QSER1: variants seen among roughly 807,000 people sequenced by gnomAD.
The protein encoded by QSER1 is glutamine and serine-rich protein 1.
In QSER1, 49 loss-of-function variants were observed where a neutral mutation model predicts 158.5. The ratio of observed to expected loss-of-function variants is 0.31; its 90% CI spans 0.25 to 0.39. The LOEUF is 0.39. QSER1 is among the 10% of genes least tolerant of loss of function. QSER1 has a pLI of 1.00. For synonymous variants in QSER1, 650 were observed against 715.5 expected (o/e 0.91, Z 1.46); for missense variants, 1,754 against 2,010.3 (o/e 0.87, Z 2.44).
intron 9 of QSER1, 70 bp downstream of exon 9, chr11:32,966,507 G>A: frequency 7.2e-7 from 1 of 1,393,100 alleles, no homozygotes; most frequent in Non-Finnish European, 9.9e-7. Context: ...TTGTCTGTTA[G>A]TTATATGTTT....
At chr11:32,965,944 A>AACACACACACACACACACAC (rs5790910) in intron 8 of QSER1, among the ~76,000 whole-genome samples, 1,238 of 123,602 alleles carry the variant, frequency 0.01, 43 homozygotes, top group East Asian at 0.019. Context: ...TCTGTCTCAA[A>AACACACACACACACACACAC]ACACACACAC....
chr11:32,909,121 C>T (rs372136090), intron 1 of QSER1, among the ~76,000 whole-genome samples: 73 of 152,300 alleles, frequency 4.8e-4, no homozygotes, highest in African/African-American at 1.6e-3. Context: ...GATCGCGCCA[C>T]TGCACTCCAG....
In QSER1 at chr11:32,893,464, G is replaced by C. The variant is rs563614391; in HGVS notation, c.209+130G>C. 1 of 152,482 alleles carries C rather than the reference G, an allele frequency of 6.6e-6. No individual in the cohort carries two copies. The highest frequency in any genetic ancestry group is 6.5e-5 in the Admixed American group (1 of 15,308). The allele number at this position is 152,482 out of a possible 1,614,324, so 9.4% of individuals were successfully genotyped here. A position where few individuals can be genotyped will look rare whatever the true frequency, so the allele number is the denominator to read the frequency against. On this transcript the variant is annotated intron_variant, in intron 1 of 12. Transcript: ENST00000650167. The surrounding 1 kb of genome is among the most constrained non-coding windows in gnomAD (Gnocchi z 4.7). ...GGAGCCCTCCGCTCGCCCTCGGCCAGCTCGGGGGAGGCGGCTGATGACTCC... is the reference window on the plus strand; with the variant it reads ...GGAGCCCTCCGCTCGCCCTCGGCCACCTCGGGGGAGGCGGCTGATGACTCC...
chr11:32,913,486 C>G (rs567393899), intron 1 of QSER1, among the ~76,000 whole-genome samples: 1 of 147,216 alleles, frequency 6.8e-6, no homozygotes, highest in South Asian at 2.1e-4. Context: ...AGCTACCGCA[C>G]CCGGTCTTTC....
intron 4 of QSER1, among the ~76,000 whole-genome samples, chr11:32,940,260 G>T (rs1852210225): frequency 6.6e-6 from 1 of 152,158 alleles, no homozygotes; most frequent in African/African-American, 2.4e-5. Context: ...CCTTGCACAA[G>T]GCTTCTTTAC....
intron 1 of QSER1, among the ~76,000 whole-genome samples, chr11:32,919,293 A>T (rs537374809): frequency 2.0e-5 from 3 of 152,126 alleles, no homozygotes; most frequent in Non-Finnish European, 4.4e-5. Context: ...GCAAATTTTT[A>T]AAAGTTTTTT....
chr11:32,915,976 G>A (rs1341609691), intron 1 of QSER1, among the ~76,000 whole-genome samples: 1 of 150,542 alleles, frequency 6.6e-6, no homozygotes, highest in East Asian at 2.0e-4. Flanking sequence ...GGAGTGCAAT[G>A]GTGTGATCTC....
intron 2 of QSER1, among the ~76,000 whole-genome samples, 184 bp downstream of exon 2, chr11:32,927,453 G>T (rs943738377): frequency 6.6e-6 from 1 of 152,210 alleles, no homozygotes; most frequent in African/African-American, 2.4e-5. Context: ...TGTCGGCCAG[G>T]CTGGAGTGCA....
intron 4 of QSER1, among the ~76,000 whole-genome samples, chr11:32,947,363 T>C (rs964613673): frequency 6.6e-6 from 1 of 152,244 alleles, no homozygotes; most frequent in Non-Finnish European, 1.5e-5. Flanking sequence ...TCCATTTTTA[T>C]AGATATTCCA....
intron 1 of QSER1, among the ~76,000 whole-genome samples, chr11:32,907,073 CCGTTA>C (rs1341367151): frequency 1.3e-5 from 2 of 152,084 alleles, no homozygotes; most frequent in Non-Finnish European, 2.9e-5. Context: ...TAGTATAGTA[CCGTTA>C]CAACAGGATA....
intron 1 of QSER1, among the ~76,000 whole-genome samples, chr11:32,914,396 G>GT (rs1234243991): frequency 6.6e-6 from 1 of 152,094 alleles, no homozygotes; most frequent in African/African-American, 2.4e-5. Flanking sequence ...ACCTAAAACT[G>GT]TAACAATATT....
chr11:32,928,136 T>C lies in QSER1; in HGVS notation c.484+13T>C. The C allele has an allele frequency of 6.4e-7, 1 of 1,551,406 alleles. No individual in the cohort carries two copies. Among genetic ancestry groups the C allele is most frequent in the Non-Finnish European group, 8.9e-7 (1 of 1,123,308 alleles). ...TCCTGGCAGACAGGTGATTTTCTGT[T>C]TCTAGAATTTTTAAGTCCTATAAAA... On this transcript the variant is annotated intron_variant, in intron 3 of 12. Transcript: ENST00000650167.
intron 1 of QSER1, among the ~76,000 whole-genome samples, chr11:32,902,002 G>A (rs1270865467): frequency 6.6e-6 from 1 of 152,218 alleles, no homozygotes; most frequent in Non-Finnish European, 1.5e-5. Flanking sequence ...AGGATCGCTT[G>A]AGCCTGGGAG....
chr11:32,931,744 C>T lies in QSER1; in HGVS notation c.486C>T (p.Gly162=), dbSNP rs991138733. Residue 162 remains glycine (G), a splice_region_variant and synonymous_variant, in exon 4 of 13, where the codon GGC becomes GGT. Transcript: ENST00000650167. ...PQFRAPSWQT[G]MHSSAATELF... ...AATCTTTGTGCCTTTTCTTCATAGG[C>T]ATGCATTCCTCAGCAGCAACTGAGC... The T allele has an allele frequency of 1.3e-5, 20 of 1,579,526 alleles. No homozygotes were observed. Among genetic ancestry groups the T allele is most frequent in the Middle Eastern group, 3.4e-4 (2 of 5,878 alleles).
intron 4 of QSER1, among the ~76,000 whole-genome samples, chr11:32,948,309 T>C (rs1852368665): frequency 6.6e-6 from 1 of 152,200 alleles, no homozygotes; most frequent in African/African-American, 2.4e-5. Flanking sequence ...ATTAATTGAG[T>C]ATTAAATTAA....
chr11:32,957,814 A>G, intron 7 of QSER1, 55 bp from the exon 8 acceptor site: 1 of 1,358,688 alleles, frequency 7.4e-7, no homozygotes, highest in Non-Finnish European at 1.0e-6. Flanking sequence ...TTTCTATTTT[A>G]TTTTAGTTTA....
At chr11:32,955,150 T>C in intron 5 of QSER1, 146 bp from the exon 6 acceptor site, 1 of 580,062 alleles carries the variant, frequency 1.7e-6, no homozygotes, top group Non-Finnish European at 3.1e-6. Context: ...AACCAGCTTA[T>C]AAGAATTATT....
rs956351422 is a variant in QSER1, at chr11:32,975,328, G to C, written c.5439G>C (p.Leu1813=). ...ATCATTATAAGTACCATGTTTATCT[G>C]ATATGTAAGGATGAGGTAATTTCTT... is the stretch of plus-strand genomic sequence containing the variant. ...SLHHYKYHVY[L]ICKDEISSVQ... is the part of the protein sequence containing the mutation. Residue 1813 remains leucine, a synonymous_variant, in exon 12 of 13, where the codon CTG becomes CTC. Transcript: ENST00000650167. 2.5e-6 allele frequency: 4 copies of C among 1,594,566 alleles called. No homozygotes were observed. In the African/African-American group the frequency reaches 5.4e-5, roughly 21 times the overall value.
chr11:32,931,826 T>G lies in QSER1; in HGVS notation c.568T>G (p.Tyr190Asp). Reference sequence around the variant, plus strand: ...AACACTTCCACCATCTCTCTCTGCTTATCAGCATCCCACCACCTTCAGCAA... The same window carrying G: ...AACACTTCCACCATCTCTCTCTGCTGATCAGCATCCCACCACCTTCAGCAA... The part of the protein sequence containing the change: ...TGTLPPSLSA[Y>D]QHPTTFSNRN... Residue 190 changes from tyrosine (Y) to aspartate (D), a missense_variant, in exon 4 of 13, where the codon TAT (tyrosine) becomes GAT (aspartate). Coordinates refer to ENST00000650167, the MANE Select transcript of QSER1 (RefSeq NM_001076786.3). The G allele has an allele frequency of 6.2e-7, 1 of 1,614,230 alleles. No homozygotes were observed. Among genetic ancestry groups the G allele is most frequent in the Non-Finnish European group, 8.5e-7 (1 of 1,180,028 alleles).
Sources: gnomAD v4.1 joint callset for allele counts (sites outside exome capture counted in the v4.1 genomes callset) on GRCh38, gnomAD v4.1.1 for gene constraint, Gnocchi (gnomAD v3.1) non-coding constraint, MANE v1.5 for transcripts, NCBI Gene and HGNC (gene_info 2026-07-23, HGNC 2026-07-21) for gene names.